TTYH3: variants seen among roughly 807,000 people sequenced by gnomAD.
TTYH3 encodes the protein protein tweety homolog 3.
Under a neutral mutation model 68.2 loss-of-function variants are expected in TTYH3, and 23 were observed. The ratio of observed to expected loss-of-function variants is 0.34; its 90% confidence interval spans 0.24 to 0.48. The LOEUF is 0.48. Among genes scored for constraint, TTYH3 ranks in the 20% least tolerant of loss-of-function variants. The pLI is 0.99. For synonymous variants in TTYH3, 360 were observed against 332.8 expected (o/e 1.08, Z -0.89); for missense variants, 768 against 727.7 (o/e 1.06, Z -0.64).
At chr7:2,647,084 C>T in intron 2 of TTYH3, 58 bp from the exon 3 acceptor site, 1 of 1,374,466 alleles carries the variant, frequency 7.3e-7, no homozygotes. Context: ...GGGGGCGGGG[C>T]TGGAGTGGGG....
intron 1 of TTYH3, among the ~76,000 whole-genome samples, chr7:2,635,910 C>T (rs1451886008): frequency 2.0e-5 from 3 of 152,230 alleles, no homozygotes; most frequent in African/African-American, 7.2e-5. Flanking sequence ...TGCAAAGGCC[C>T]TGAGGCAGAG....
Position 2,662,021 on chromosome 7 carries a change from A to G in TTYH3, c.*282A>G, listed in dbSNP as rs1364278373. On this transcript the variant is annotated 3_prime_UTR_variant, in exon 14 of 14. Coordinates refer to ENST00000258796, the MANE Select transcript of TTYH3 (RefSeq NM_025250.3). ...CTATCCCGGCACGCTCCCTCTGCAG[A>G]TGGTCGCCGCACCTACAAGCCCTGG... is the stretch of plus-strand genomic sequence containing the variant. The G allele has an allele frequency of 7.0e-6, 4 of 575,282 alleles. No individual in the cohort carries two copies. Among genetic ancestry groups the G allele is most frequent in the East Asian group, 5.8e-5 (2 of 34,228 alleles). The allele number at this position is 575,282 out of a possible 1,614,324, so 35.6% of individuals were successfully genotyped here.
Position 2,645,939 on chromosome 7 carries a change from T to C in TTYH3, c.124-914T>C, listed in dbSNP as rs1785967515. 6 of 448,540 alleles carry C rather than the reference T, an allele frequency of 1.3e-5. No individual in the cohort carries two copies. Among genetic ancestry groups the C allele is most frequent in the Non-Finnish European group, 2.8e-5 (6 of 214,992 alleles). 27.8% of individuals were successfully genotyped at this position (448,540 alleles called of 1,614,324 possible). A position where few individuals can be genotyped will look rare whatever the true frequency, so the allele number is the denominator to read the frequency against. On this transcript the variant is annotated intron_variant, in intron 1 of 13. Coordinates refer to ENST00000258796, the MANE Select transcript of TTYH3 (RefSeq NM_025250.3). The surrounding 1 kb of genome is among the most constrained non-coding windows in gnomAD (Gnocchi z 4.8). ...GACGGGCTCTGGGGTCCTGGGGCTG[T>C]CTCGGGCTGGGGGTGAGGACAGTAG...
At chr7:2,648,892 G>A (rs1786076964) in intron 5 of TTYH3, among the ~76,000 whole-genome samples, 2 of 151,758 alleles carry the variant, frequency 1.3e-5, no homozygotes, top group African/African-American at 4.9e-5. Context: ...GTCCTCAGTG[G>A]GGTGTGCAGG....
intron 1 of TTYH3, among the ~76,000 whole-genome samples, chr7:2,636,086 A>T (rs189946283): frequency 5.3e-5 from 8 of 152,136 alleles, no homozygotes; most frequent in Admixed American, 4.6e-4. Context: ...GAGCTCTGGG[A>T]GTAGGGCCAG....
chr7:2,661,227 G>A (rs1166530159), intron 13 of TTYH3, among the ~76,000 whole-genome samples: 1 of 152,224 alleles, frequency 6.6e-6, no homozygotes, highest in Non-Finnish European at 1.5e-5. Flanking sequence ...CCGGCCCTGA[G>A]CCCGGAGGAG....
rs546051451 is a variant in TTYH3, at chr7:2,661,911, C to T, written c.*172C>T. On this transcript the variant is annotated 3_prime_UTR_variant, in exon 14 of 14. Coordinates refer to ENST00000258796, the MANE Select transcript of TTYH3 (RefSeq NM_025250.3). Reference sequence around the variant, plus strand: ...CCTCCCCGCAGGGGCACAGTGGAGACGCAGGGGCTCTGGGCCCGTACCGCC... The same window carrying T: ...CCTCCCCGCAGGGGCACAGTGGAGATGCAGGGGCTCTGGGCCCGTACCGCC... 3.4e-5 allele frequency: 24 copies of T among 708,216 alleles called. No homozygotes were observed. The highest frequency in any genetic ancestry group is 1.9e-4 in the South Asian group (11 of 56,890). The allele number at this position is 708,216 out of a possible 1,614,324, so 43.9% of individuals were successfully genotyped here. A position where few individuals can be genotyped will look rare whatever the true frequency, so the allele number is the denominator to read the frequency against.
intron 7 of TTYH3, among the ~76,000 whole-genome samples, chr7:2,650,576 C>T (rs1020775966): frequency 6.6e-6 from 1 of 150,782 alleles, no homozygotes; most frequent in Non-Finnish European, 1.5e-5. Flanking sequence ...GAAACTCCAT[C>T]TCAAAAAAAA....
At chr7:2,660,012 C>G in intron 13 of TTYH3, 2 of 1,303,328 alleles carry the variant, frequency 1.5e-6, no homozygotes, top group Non-Finnish European at 2.0e-6. Context: ...TGCCCGAACG[C>G]TGTGGTAGCT....
intron 9 of TTYH3, among the ~76,000 whole-genome samples, chr7:2,654,965 C>T (rs534343302): frequency 7.9e-5 from 12 of 151,960 alleles, no homozygotes; most frequent in Non-Finnish European, 1.5e-5. Context: ...TAAGGACACC[C>T]GTCCCATGGG....
intron 2 of TTYH3, 50 bp from the exon 3 acceptor site, chr7:2,647,092 G>C (rs1786010510): frequency 6.5e-7 from 1 of 1,543,890 alleles, no homozygotes; most frequent in Non-Finnish European, 8.7e-7. Flanking sequence ...GGCTGGAGTG[G>C]GGTGTGTGTG....
intron 9 of TTYH3, among the ~76,000 whole-genome samples, chr7:2,653,286 G>A (rs1346391512): frequency 6.6e-6 from 1 of 152,136 alleles, no homozygotes; most frequent in Non-Finnish European, 1.5e-5. Flanking sequence ...TTTTGAGATG[G>A]GCTCTTGCTA....
intron 1 of TTYH3, among the ~76,000 whole-genome samples, chr7:2,634,282 A>G (rs1046468909): frequency 1.3e-5 from 2 of 151,870 alleles, no homozygotes; most frequent in Non-Finnish European, 2.9e-5. Flanking sequence ...CTGAGCCTTC[A>G]TTGCCTCATC....
intron 1 of TTYH3, among the ~76,000 whole-genome samples, chr7:2,639,294 G>A (rs776072831): frequency 6.6e-6 from 1 of 152,216 alleles, no homozygotes; most frequent in African/African-American, 2.4e-5. Flanking sequence ...CCTGCTGCCA[G>A]TGTATCTTCG....
chr7:2,649,662 T>G (rs1583568059), intron 6 of TTYH3, 23 bp downstream of exon 6: 3 of 1,586,186 alleles, frequency 1.9e-6, no homozygotes, highest in Non-Finnish European at 2.6e-6. Flanking sequence ...GGGGGTGAGG[T>G]CCCCGGCTGC....
At chr7:2,639,869 T>C (rs1785786916) in intron 1 of TTYH3, among the ~76,000 whole-genome samples, 1 of 151,998 alleles carries the variant, frequency 6.6e-6, no homozygotes, top group Admixed American at 6.6e-5. Context: ...GCCCACCCCT[T>C]CTCTGGCCAC....
At chr7:2,651,543 G>C (rs967637212) in intron 7 of TTYH3, among the ~76,000 whole-genome samples, 1 of 152,050 alleles carries the variant, frequency 6.6e-6, no homozygotes, top group African/African-American at 2.4e-5. Flanking sequence ...CCTTTGGGGG[G>C]ATCTCATCAA....
Position 2,645,991 on chromosome 7 carries a change from G to A in TTYH3, c.124-862G>A, listed in dbSNP as rs1048190862. 8.6e-6 allele frequency: 3 copies of A among 350,874 alleles called. No individual in the cohort carries two copies. Among genetic ancestry groups the A allele is most frequent in the African/African-American group, 6.5e-5 (3 of 46,046 alleles). The allele number at this position is 350,874 out of a possible 1,614,324, so 21.7% of individuals were successfully genotyped here. ...TGATGCCGGCAGCCCCCTCCCCAGG[G>A]CTTCGCTTCTTCGGGGGAGCAGCAG... On this transcript the variant is annotated intron_variant, in intron 1 of 13. Coordinates refer to ENST00000258796, the MANE Select transcript of TTYH3 (RefSeq NM_025250.3). The surrounding 1 kb of genome is among the most constrained non-coding windows in gnomAD (Gnocchi z 4.8).
At chr7:2,639,703 G>A (rs569436001) in intron 1 of TTYH3, among the ~76,000 whole-genome samples, 1 of 152,348 alleles carries the variant, frequency 6.6e-6, no homozygotes, top group Non-Finnish European at 1.5e-5. Flanking sequence ...CTGTGTGGCC[G>A]TTACCATATT....
Sources: allele counts gnomAD v4.1 joint callset (sites outside exome capture counted in the v4.1 genomes callset), GRCh38; gene constraint gnomAD v4.1.1; non-coding constraint Gnocchi (gnomAD v3.1); transcripts MANE v1.5; gene names NCBI Gene and HGNC (gene_info 2026-07-23, HGNC 2026-07-21).